Variants in SLC16A10 observed in about 807,000 individuals in gnomAD.
SLC16A10 encodes solute carrier family 16 member 10.
Under a neutral mutation model 40.0 loss-of-function variants are expected in SLC16A10, and 27 were observed. The ratio of observed to expected loss-of-function variants is 0.67; its 90% CI spans 0.50 to 0.93. The LOEUF is 0.93. SLC16A10 is among the 40% of genes least tolerant of loss of function. SLC16A10 has a pLI of 0.00. For synonymous variants in SLC16A10, 213 were observed against 249.8 expected, an observed-to-expected ratio of 0.85 and a Z score of 1.39; for missense variants, 529 against 658.2, an observed-to-expected ratio of 0.80 and a Z score of 2.15.
intron 1 of SLC16A10, among the ~76,000 whole-genome samples, chr6:111,136,878 T>C (rs1771889311): frequency 6.6e-6 from 1 of 152,152 alleles, no homozygotes. Context: ...AGGGCAAATA[T>C]ATATACAGAC....
chr6:111,090,389 G>A (rs908296482), intron 1 of SLC16A10, among the ~76,000 whole-genome samples: 5 of 152,226 alleles, frequency 3.3e-5, no homozygotes, highest in Admixed American at 6.5e-5. Flanking sequence ...CCCTTTGTCT[G>A]ATTCCTACAG....
intron 1 of SLC16A10, among the ~76,000 whole-genome samples, chr6:111,098,117 A>G (rs1208474801): frequency 6.6e-6 from 1 of 151,750 alleles, no homozygotes; most frequent in Non-Finnish European, 1.5e-5. Flanking sequence ...GACCAGCCTG[A>G]CCAACATGGA....
chr6:111,137,508 T>TA (rs965231148), intron 1 of SLC16A10, among the ~76,000 whole-genome samples: 1 of 152,236 alleles, frequency 6.6e-6, no homozygotes, highest in Non-Finnish European at 1.5e-5. Context: ...ATTGAAGCTG[T>TA]AAAGCTACAA....
chr6:111,209,411 C>T (rs1773307071), intron 4 of SLC16A10, among the ~76,000 whole-genome samples: 1 of 152,108 alleles, frequency 6.6e-6, no homozygotes, highest in South Asian at 2.1e-4. Flanking sequence ...ATTTTGCCAT[C>T]TTATCAAGAT....
chr6:111,172,692 C>T lies in SLC16A10; in HGVS notation c.344-3C>T. On this transcript the variant is annotated splice_polypyrimidine_tract_variant and splice_region_variant and intron_variant, in intron 1 of 5. Transcript: ENST00000368851. ...TCCCCCCACGCTTTCCCTTCTTTTA[C>T]AGCATGGGTAGGTTCTCTCTCCATG... 6.2e-7 allele frequency: 1 copy of T among 1,611,128 alleles called. No homozygotes were observed. Among genetic ancestry groups the T allele is most frequent in the Non-Finnish European group, 8.5e-7 (1 of 1,177,890 alleles).
chr6:111,103,114 C>T (rs1360369185), intron 1 of SLC16A10, among the ~76,000 whole-genome samples: 8 of 152,036 alleles, frequency 5.3e-5, no homozygotes, highest in Admixed American at 4.6e-4. Context: ...CCACATTGCC[C>T]AGGCTGGTCT....
At chr6:111,217,575 G>C (rs1025075453) in intron 4 of SLC16A10, among the ~76,000 whole-genome samples, 1 of 150,018 alleles carries the variant, frequency 6.7e-6, no homozygotes, top group South Asian at 2.1e-4. Flanking sequence ...TTAGCCTCCC[G>C]AGTAGCTGGG....
intron 1 of SLC16A10, among the ~76,000 whole-genome samples, chr6:111,126,948 T>TA (rs1361254468): frequency 3.3e-5 from 5 of 152,194 alleles, no homozygotes; most frequent in African/African-American, 9.7e-5. Context: ...TAGGTAGAAT[T>TA]AAAAGTAACG....
chr6:111,091,390 C>T (rs886633144), intron 1 of SLC16A10: 5 of 152,022 alleles, frequency 3.3e-5, no homozygotes, highest in Admixed American at 1.3e-4. Context: ...TCTGCAAATA[C>T]GATGTTTTTT....
intron 1 of SLC16A10, 103 bp downstream of exon 1, chr6:111,088,198 G>A: frequency 8.3e-7 from 1 of 1,204,500 alleles, no homozygotes; most frequent in East Asian, 2.7e-5. Context: ...GCATGTCGGT[G>A]GGTCCCTGTG....
At position 111,146,736 on chromosome 6, in the gene SLC16A10, CA is replaced by C. The variant is rs58677368; in HGVS notation, c.344-25947del. 8.5e-4 allele frequency among the ~76,000 whole-genome samples: 114 copies of C among 133,910 alleles called. 1 individual carries two copies. The highest frequency in any genetic ancestry group is 7.5e-4 in the Admixed American group (10 of 13,334). 87.9% of individuals were successfully genotyped at this position (133,910 alleles called of 152,430 possible). A position where few individuals can be genotyped will look rare whatever the true frequency, so the allele number is the denominator to read the frequency against. ...TGGGCAACAGAGCGAGACTCCGTCT[CA>C]AAAAAAAAAAAGATATATACACAGA... On this transcript the variant is annotated intron_variant, in intron 1 of 5. Transcript: ENST00000368851.
intron 3 of SLC16A10, among the ~76,000 whole-genome samples, chr6:111,204,470 A>G (rs1368362517): frequency 1.3e-5 from 2 of 152,178 alleles, no homozygotes; most frequent in Non-Finnish European, 2.9e-5. Context: ...AGACATTAAC[A>G]GGGCTGGGTA....
intron 1 of SLC16A10, among the ~76,000 whole-genome samples, chr6:111,117,446 A>C (rs535669212): frequency 6.6e-6 from 1 of 151,900 alleles, no homozygotes; most frequent in African/African-American, 2.4e-5. Context: ...TTTTGGACCA[A>C]CTTTACTTTA....
At chr6:111,204,433 G>A (rs1229783375) in intron 3 of SLC16A10, among the ~76,000 whole-genome samples, 1 of 152,166 alleles carries the variant, frequency 6.6e-6, no homozygotes, top group Non-Finnish European at 1.5e-5. Context: ...AATTTTACAT[G>A]AAGTGTCTAC....
intron 3 of SLC16A10, among the ~76,000 whole-genome samples, chr6:111,202,159 G>A (rs903639635): frequency 2.0e-5 from 3 of 152,170 alleles, no homozygotes; most frequent in Non-Finnish European, 2.9e-5. Flanking sequence ...GAAAGTAACC[G>A]GCCTTCAGTT....
At chr6:111,168,490 C>G (rs1408248191) in intron 1 of SLC16A10, among the ~76,000 whole-genome samples, 1 of 150,492 alleles carries the variant, frequency 6.6e-6, no homozygotes, top group Non-Finnish European at 1.5e-5. Context: ...CAGTAATAGT[C>G]AGACTTGGAA....
intron 1 of SLC16A10, among the ~76,000 whole-genome samples, chr6:111,092,565 C>T (rs376869983): frequency 5.3e-5 from 8 of 150,614 alleles, no homozygotes; most frequent in African/African-American, 9.7e-5. Context: ...CCACCTGCCT[C>T]GGCTTCCCAA....
intron 1 of SLC16A10, among the ~76,000 whole-genome samples, chr6:111,165,425 A>G (rs1282080902): frequency 1.3e-5 from 2 of 152,240 alleles, no homozygotes; most frequent in Admixed American, 6.5e-5. Context: ...TTTTCCAGTG[A>G]AACAAGATGC....
chr6:111,140,307 A>G (rs2114501605), intron 1 of SLC16A10, among the ~76,000 whole-genome samples: 1 of 152,216 alleles, frequency 6.6e-6, no homozygotes, highest in East Asian at 1.9e-4. Flanking sequence ...TTCAAAAAGT[A>G]CAAAAATTAG....
Sources: gnomAD v4.1 joint callset for allele counts (sites outside exome capture counted in the v4.1 genomes callset) on GRCh38, gnomAD v4.1.1 for gene constraint, MANE v1.5 for transcripts, NCBI Gene and HGNC (gene_info 2026-07-23, HGNC 2026-07-21) for gene names.